The following TANC2 variants were observed in gnomAD, a reference collection of about 807,000 sequenced individuals.
TANC2 encodes tetratricopeptide repeat, ankyrin repeat and coiled-coil containing 2.
Under a neutral mutation model 210.5 loss-of-function variants are expected in TANC2, and 26 were observed. The observed-to-expected ratio is 0.12, with a 90% CI of 0.09 to 0.17. The LOEUF is 0.17. TANC2 is among the 10% of genes least tolerant of loss of function. The pLI is 1.00. For missense variants in TANC2, 2,129 were observed against 2,608.9 expected (o/e 0.82, Z 4.01); for synonymous variants, 931 against 967.1 (o/e 0.96, Z 0.69).
At chr17:63,411,976 C>T in intron 22 of TANC2, 22 bp from the exon 23 acceptor site, 1 of 1,613,594 alleles carries the variant, frequency 6.2e-7, no homozygotes, top group Non-Finnish European at 8.5e-7. Flanking sequence ...GTCCTAACTT[C>T]TCTGCTTGAT....
chr17:63,291,878 A>C (rs147200059), intron 9 of TANC2, among the ~76,000 whole-genome samples: 1 of 152,322 alleles, frequency 6.6e-6, no homozygotes, highest in African/African-American at 2.4e-5. Context: ...TATATCTAAG[A>C]GATATTCCTC....
intron 2 of TANC2, among the ~76,000 whole-genome samples, chr17:63,011,208 T>C (rs532255914): frequency 2.0e-5 from 3 of 152,010 alleles, no homozygotes; most frequent in South Asian, 2.1e-4. Flanking sequence ...GAGACAAATA[T>C]GTTTTTTTTT....
intron 21 of TANC2, among the ~76,000 whole-genome samples, chr17:63,407,007 G>T (rs369687471): frequency 7.2e-4 from 109 of 152,290 alleles, no homozygotes; most frequent in African/African-American, 2.6e-3. Flanking sequence ...TAAACTGGAC[G>T]CAAATGTCGG....
chr17:63,270,044 G>A (rs1261770969), intron 9 of TANC2, among the ~76,000 whole-genome samples: 2 of 152,072 alleles, frequency 1.3e-5, no homozygotes, highest in Admixed American at 6.6e-5. Context: ...TATTTTTCAA[G>A]AGCTTTCCTT....
In TANC2 at chr17:63,238,280, T is replaced by C. The variant is rs377295840; in HGVS notation, c.1033+203T>C. ...GAGAAGGTTCATCTTCCTCGAGTGA[T>C]TGCTTAGTTCTGCTCCCAAAATGTA... On this transcript the variant is annotated intron_variant, in intron 8 of 27. Coordinates refer to ENST00000689528, the Ensembl canonical transcript of TANC2. Among the ~76,000 whole-genome samples, 51 of 152,298 alleles carry C rather than the reference T, an allele frequency of 3.3e-4. No homozygotes were observed. In the South Asian group the frequency reaches 9.9e-3, roughly 30 times the overall value.
chr17:63,140,684 GT>G (rs2039257284), intron 4 of TANC2, among the ~76,000 whole-genome samples: 1 of 152,166 alleles, frequency 6.6e-6, no homozygotes, highest in Non-Finnish European at 1.5e-5. Flanking sequence ...ATTTACTGCC[GT>G]TTTTATGGAT....
intron 2 of TANC2, among the ~76,000 whole-genome samples, chr17:63,062,019 AT>A (rs1211313926): frequency 1.3e-5 from 2 of 151,984 alleles, no homozygotes; most frequent in Non-Finnish European, 2.9e-5. Context: ...TTTTCTTAAC[AT>A]TTTTAGAACT....
chr17:63,419,534 A>G (rs2048961708), intron 27 of TANC2, among the ~76,000 whole-genome samples: 1 of 152,202 alleles, frequency 6.6e-6, no homozygotes, highest in African/African-American at 2.4e-5. Flanking sequence ...GTTCTTGCCT[A>G]GAGTAGAACA....
At chr17:63,070,554 C>G (rs983923560) in intron 2 of TANC2, among the ~76,000 whole-genome samples, 2 of 152,168 alleles carry the variant, frequency 1.3e-5, no homozygotes, top group African/African-American at 4.8e-5. Context: ...AATTAGCCTT[C>G]TAAACTAATC....
chr17:63,424,523 C>G (rs1449259381), exon 28 of TANC2: 1 of 152,198 alleles, frequency 6.6e-6, no homozygotes, highest in Non-Finnish European at 1.5e-5. Context: ...CTCGCTGAGT[C>G]CATGTCTGGC....
At position 62,966,598 on chromosome 17, in the gene TANC2, C is replaced by A. The variant is rs1388278244; in HGVS notation, c.-175C>A. On this transcript the variant is annotated 5_prime_UTR_variant, in exon 1 of 28. Coordinates refer to ENST00000689528, the Ensembl canonical transcript of TANC2. This position sits in a 1 kb window ranked among gnomAD's most constrained non-coding sequence, Gnocchi z 5.1. ...TCGCCGGCTGCGAGGCCCCGCCGCG[C>A]CGTTCCGGGGTGCAGACTCGCCGCG... Among the ~76,000 whole-genome samples, 1 of 151,434 alleles carries A rather than the reference C, an allele frequency of 6.6e-6. No individual in the cohort carries two copies. The highest frequency in any genetic ancestry group is 1.5e-5 in the Non-Finnish European group (1 of 67,804).
chr17:63,298,722 A>G (rs1233810011), intron 9 of TANC2, among the ~76,000 whole-genome samples: 1 of 152,120 alleles, frequency 6.6e-6, no homozygotes. Context: ...GAATATATGT[A>G]AAAACCTACA....
chr17:63,315,667 A>T (rs752132016), intron 10 of TANC2, among the ~76,000 whole-genome samples: 1 of 152,218 alleles, frequency 6.6e-6, no homozygotes, highest in Non-Finnish European at 1.5e-5. Context: ...ACCACTAGAA[A>T]TGGTTTGTGT....
At chr17:63,053,292 A>G (rs1480954451) in intron 2 of TANC2, among the ~76,000 whole-genome samples, 1 of 152,258 alleles carries the variant, frequency 6.6e-6, no homozygotes. Flanking sequence ...ACTTAATCCC[A>G]TCGGGTTTCA....
intron 2 of TANC2, among the ~76,000 whole-genome samples, chr17:63,068,080 C>T (rs2036266420): frequency 6.6e-6 from 1 of 152,094 alleles, no homozygotes; most frequent in African/African-American, 2.4e-5. Context: ...AGAAATAACA[C>T]ATTACCTAGA....
intron 5 of TANC2, among the ~76,000 whole-genome samples, chr17:63,167,853 G>GCA (rs1157504727): frequency 8.1e-6 from 1 of 123,748 alleles, no homozygotes; most frequent in Non-Finnish European, 1.6e-5. Context: ...CCACTGCACT[G>GCA]CAGCCTGGGT....
At chr17:63,009,501 T>G in intron 1 of TANC2, 36 bp from the exon 2 acceptor site, 2 of 1,502,606 alleles carry the variant, frequency 1.3e-6, no homozygotes, top group Non-Finnish European at 1.8e-6. Context: ...AAAATAAAGT[T>G]TTCTTAAACA....
exon 28 of TANC2, chr17:63,426,349 C>T (rs2049142575): frequency 1.3e-5 from 2 of 152,512 alleles, no homozygotes; most frequent in South Asian, 4.1e-4. Context: ...ATGCCTTGAA[C>T]TCAGCTCTGG....
chr17:63,227,353 ATGATGT>A (rs2042355133), intron 7 of TANC2, among the ~76,000 whole-genome samples: 1 of 152,126 alleles, frequency 6.6e-6, no homozygotes, highest in Non-Finnish European at 1.5e-5. Flanking sequence ...CTAATGATCA[ATGATGT>A]TGAGCTTTTT....
Sources: gnomAD v4.1 joint callset for allele counts (sites outside exome capture counted in the v4.1 genomes callset) on GRCh38, gnomAD v4.1.1 for gene constraint, Gnocchi (gnomAD v3.1) non-coding constraint, MANE v1.5 for transcripts, NCBI Gene and HGNC (gene_info 2026-07-23, HGNC 2026-07-21) for gene names.